MICU2: variants seen among roughly 807,000 people sequenced by gnomAD.
MICU2 encodes the protein calcium uptake protein 2, mitochondrial.
A neutral mutation model predicts 60.4 loss-of-function variants in MICU2; 64 were observed. The observed-to-expected ratio is 1.06, with a 90% confidence interval of 0.87 to 1.31. The LOEUF is 1.31. MICU2 is among the 50% of genes most tolerant of loss of function. The pLI, the probability that MICU2 is intolerant of heterozygous loss-of-function variation, is 0.00. For synonymous variants in MICU2, 201 were observed against 175.0 expected, an observed-to-expected ratio of 1.15 and a Z score of -1.17; for missense variants, 569 against 531.0, an observed-to-expected ratio of 1.07 and a Z score of -0.70.
At chr13:21,576,307 G>A (rs1029139690) in intron 1 of MICU2, among the ~76,000 whole-genome samples, 3 of 152,142 alleles carry the variant, frequency 2.0e-5, no homozygotes, top group African/African-American at 7.2e-5. Context: ...ATGCAGAGCA[G>A]TAACAAGGAA....
chr13:21,558,988 A>C (rs1306469339), intron 2 of MICU2, among the ~76,000 whole-genome samples: 1 of 152,212 alleles, frequency 6.6e-6, no homozygotes. Context: ...TGGCTGCACC[A>C]GTTTGGAATA....
At chr13:21,540,959 A>ATCATTATT (rs1458084175) in intron 2 of MICU2, among the ~76,000 whole-genome samples, 1 of 152,184 alleles carries the variant, frequency 6.6e-6, no homozygotes, top group African/African-American at 2.4e-5. Flanking sequence ...AAAGAAACTG[A>ATCATTATT]TCATTATTTC....
At chr13:21,495,922 C>A in intron 10 of MICU2, 130 bp downstream of exon 10, 1 of 608,930 alleles carries the variant, frequency 1.6e-6, no homozygotes, top group Non-Finnish European at 2.8e-6. Context: ...CTAGAATAAC[C>A]ACACTGAATT....
At chr13:21,565,707 C>T (rs1475859675) in intron 2 of MICU2, among the ~76,000 whole-genome samples, 2 of 152,068 alleles carry the variant, frequency 1.3e-5, no homozygotes, top group Non-Finnish European at 2.9e-5. Flanking sequence ...GTGGTGGGCA[C>T]CTGTAATCCC....
chr13:21,495,023 T>C (rs1227978966), intron 11 of MICU2, 138 bp downstream of exon 11: 3 of 551,870 alleles, frequency 5.4e-6, no homozygotes, highest in Non-Finnish European at 6.0e-6. Context: ...AAAATATATT[T>C]CTGTATTTCA....
In MICU2 at chr13:21,495,289, T is replaced by C. The variant is rs767527477; in HGVS notation, c.1072A>G (p.Thr358Ala). 6.2e-7 allele frequency: 1 copy of C among 1,608,418 alleles called. No individual in the cohort carries two copies. The highest frequency in any genetic ancestry group is 1.1e-5 in the South Asian group (1 of 89,958). Residue 358 changes from threonine to alanine, a missense_variant, in exon 11 of 12, where the codon ACA becomes GCA. Physicochemically the swap from Thr to Ala is moderately conservative, Grantham distance 58. Transcript: ENST00000382374. Reference protein sequence around the residue: ...AEFKRAVKVATGQELSNNILD... With the variant: ...AEFKRAVKVAAGQELSNNILD... ...ATATTGTTTGAGAGTTCTTGTCCTG[T>C]TGCTACTTTCACAGCTCTCTTAAAC...
intron 2 of MICU2, among the ~76,000 whole-genome samples, chr13:21,545,083 T>C (rs1056192362): frequency 3.9e-5 from 6 of 152,132 alleles, no homozygotes; most frequent in African/African-American, 1.4e-4. Context: ...CTACAGGGCA[T>C]TCATCCAAAG....
intron 9 of MICU2, among the ~76,000 whole-genome samples, chr13:21,501,355 A>T (rs1033572714): frequency 7.3e-5 from 11 of 151,652 alleles, no homozygotes; most frequent in South Asian, 6.3e-4. Flanking sequence ...CTCTGCCTCC[A>T]GGGTTCACAC....
chr13:21,604,138 G>T lies in MICU2; in HGVS notation c.11C>A (p.Ala4Asp). Residue 4 changes from alanine to aspartate, a missense_variant, in exon 1 of 12, where the codon GCT (alanine) becomes GAT (aspartate). Ala to Asp is a moderately radical substitution (Grantham distance 126, BLOSUM62 -2). Transcript: ENST00000382374. ...CGCCACCCGCGCGCAGCTACCCGCAGCCGCCGCCATCTTTGCGGAAGCGCA... is the reference window on the plus strand; with the variant it reads ...CGCCACCCGCGCGCAGCTACCCGCATCCGCCGCCATCTTTGCGGAAGCGCA... MAA[A>D]AGSCARVAAW... 6.4e-7 allele frequency: 1 copy of T among 1,559,122 alleles called. No homozygotes were observed. Among genetic ancestry groups the T allele is most frequent in the South Asian group, 1.2e-5 (1 of 85,414 alleles).
chr13:21,603,602 T>G (rs1888876719), intron 1 of MICU2: 1 of 361,198 alleles, frequency 2.8e-6, no homozygotes, highest in Admixed American at 4.6e-5. Context: ...CGAGGCGCAG[T>G]GAGATTCTGA....
intron 9 of MICU2, among the ~76,000 whole-genome samples, chr13:21,498,026 A>T (rs1486541637): frequency 6.6e-6 from 1 of 152,246 alleles, no homozygotes; most frequent in East Asian, 1.9e-4. Context: ...AAGTGCAGGG[A>T]TTACAAGTGT....
chr13:21,523,001 C>T (rs147654093), intron 4 of MICU2, among the ~76,000 whole-genome samples: 6 of 152,212 alleles, frequency 3.9e-5, no homozygotes, highest in South Asian at 2.1e-4. Context: ...GGCTGTTCTC[C>T]GCAGTGTGGG....
intron 1 of MICU2, among the ~76,000 whole-genome samples, chr13:21,575,729 C>CAAAAA (rs10557584): frequency 2.1e-5 from 1 of 48,058 alleles, no homozygotes; most frequent in Non-Finnish European, 3.5e-5. Flanking sequence ...GACTCTGTCT[C>CAAAAA]AAAAAAAAAA....
intron 4 of MICU2, among the ~76,000 whole-genome samples, chr13:21,527,698 T>C (rs1886891063): frequency 6.6e-6 from 1 of 152,240 alleles, no homozygotes; most frequent in African/African-American, 2.4e-5. Flanking sequence ...AAAACTGCAT[T>C]AGGACAGTAT....
rs571360018 is a variant in MICU2 at position 21,583,997 on chromosome 13, G to A, written c.211-17053C>T. On this transcript the variant is annotated intron_variant, in intron 1 of 11. Coordinates refer to ENST00000382374, the MANE Select transcript of MICU2 (RefSeq NM_152726.3). ...AATGACATAATTTCAAACAGTAGAT[G>A]TGCTGCATTATTCATATTTTCCTTT... 2.0e-5 allele frequency among the ~76,000 whole-genome samples: 3 copies of A among 152,274 alleles called. No homozygotes were observed. In the South Asian group the frequency reaches 6.2e-4, roughly 32 times the overall value.
At chr13:21,520,759 C>A (rs143843531) in intron 6 of MICU2, among the ~76,000 whole-genome samples, 1 of 151,626 alleles carries the variant, frequency 6.6e-6, no homozygotes, top group Non-Finnish European at 1.5e-5. Context: ...CATTTAAACA[C>A]GTTTTCAGCT....
intron 1 of MICU2, among the ~76,000 whole-genome samples, chr13:21,595,754 T>C (rs1888678867): frequency 6.6e-6 from 1 of 152,258 alleles, no homozygotes; most frequent in Non-Finnish European, 1.5e-5. Flanking sequence ...GCAGGCTTTA[T>C]ATTCTTGTGA....
intron 2 of MICU2, among the ~76,000 whole-genome samples, chr13:21,553,727 G>A (rs1437008904): frequency 1.3e-5 from 2 of 151,988 alleles, no homozygotes; most frequent in Admixed American, 1.3e-4. Flanking sequence ...CAATTAAAAG[G>A]CACAGACTGA....
chr13:21,589,473 C>T lies in MICU2; in HGVS notation c.210+14466G>A, dbSNP rs1158208186. 3.3e-5 allele frequency among the ~76,000 whole-genome samples: 5 copies of T among 152,230 alleles called. No homozygotes were observed. In the Middle Eastern group the frequency reaches 0.014, roughly 414 times the overall value. On this transcript the variant is annotated intron_variant, in intron 1 of 11. Transcript: ENST00000382374. ...ACTAAGCCAAGACATGTTAAAAAAA[C>T]TTTGAAAAGAAAGCTGTTAAGGAAA...
Sources: gnomAD v4.1 joint callset for allele counts (sites outside exome capture counted in the v4.1 genomes callset) on GRCh38, gnomAD v4.1.1 for gene constraint, MANE v1.5 for transcripts, NCBI Gene and HGNC (gene_info 2026-07-23, HGNC 2026-07-21) for gene names.